The following ATP10D variants were observed in gnomAD, a reference collection of about 807,000 sequenced individuals.
ATP10D encodes the protein phospholipid-transporting ATPase VD.
A neutral mutation model predicts 144.8 loss-of-function variants in ATP10D; 89 were observed. The ratio of observed to expected loss-of-function variants is 0.61; its 90% CI spans 0.52 to 0.73. ATP10D has a LOEUF of 0.73. Ranked by LOEUF, ATP10D falls within the 30% of genes least tolerant of loss-of-function variation. The probability of loss-of-function intolerance (pLI) is 0.00; values close to 1 mark genes in which losing one functional copy is unlikely to be tolerated. For synonymous variants in ATP10D, 571 were observed against 615.1 expected (o/e 0.93, Z 1.06); for missense variants, 1,603 against 1,714.8 (o/e 0.93, Z 1.15).
intron 1 of ATP10D, among the ~76,000 whole-genome samples, chr4:47,509,711 G>A (rs1003622362): frequency 6.6e-6 from 1 of 152,178 alleles, no homozygotes; most frequent in African/African-American, 2.4e-5. Context: ...ATTTGGGGTT[G>A]TGGATCTATT....
chr4:47,517,982 G>A (rs1299045347), intron 3 of ATP10D, among the ~76,000 whole-genome samples: 2 of 152,092 alleles, frequency 1.3e-5, no homozygotes, highest in African/African-American at 4.8e-5. Flanking sequence ...GTTTGGTATT[G>A]TAGAAGAAAT....
intron 1 of ATP10D, among the ~76,000 whole-genome samples, chr4:47,505,869 AC>A (rs1715993270): frequency 6.6e-6 from 1 of 152,130 alleles, no homozygotes; most frequent in African/African-American, 2.4e-5. Context: ...AGACCAGTGA[AC>A]TTGTGTATTT....
At position 47,558,121 on chromosome 4, in the gene ATP10D, C is replaced by T; in HGVS notation, c.2282C>T (p.Pro761Leu). The T allele has an allele frequency of 1.2e-6, 2 of 1,614,186 alleles. No homozygotes were observed. The highest frequency in any genetic ancestry group is 1.7e-6 in the Non-Finnish European group (2 of 1,180,028). The change falls in exon 12 of 23, where the codon CCA becomes CTA. Residue 761 changes from proline (P) to leucine (L), a missense_variant. Transcript: ENST00000273859. ...ATGGTGGACTTTGCTGCTTTGGGAC[C>T]ATTAACATTTCAACTCCTACACATC... ...QVMVDFAALG[P>L]LTFQLLHILP...
chr4:47,572,872 G>A lies in ATP10D; in HGVS notation c.3241G>A (p.Ala1081Thr), dbSNP rs1016794326. ...IGVSGQEGMQ[A>T]VMASDFAVSQ... ...CATTCTCTCCCCATTGCATCTGCAG[G>A]CTGTGATGGCCAGTGACTTTGCCGT... The change falls in exon 18 of 23, where the codon GCT (alanine) becomes ACT (threonine). Residue 1081 changes from alanine (A) to threonine (T), a missense_variant and splice_region_variant. Physicochemically the swap from Ala to Thr is moderately conservative, Grantham distance 58. Coordinates refer to ENST00000273859, the MANE Select transcript of ATP10D (RefSeq NM_020453.4). 1 of 1,614,092 alleles carries A rather than the reference G, an allele frequency of 6.2e-7. No homozygotes were observed.
intron 1 of ATP10D, among the ~76,000 whole-genome samples, chr4:47,486,079 T>C (rs1714743463): frequency 6.6e-6 from 1 of 152,186 alleles, no homozygotes; most frequent in African/African-American, 2.4e-5. Flanking sequence ...TTCTCGGAAA[T>C]AGTTTTCAAA....
rs33995001 is a variant in ATP10D, at chr4:47,512,668, C to T, written c.128C>T (p.Thr43Ile). 667,196 of 1,613,712 alleles carry T rather than the reference C, an allele frequency of 0.41. 141,862 individuals are homozygous for T. The highest frequency in any genetic ancestry group is 0.45 in the Middle Eastern group (2,755 of 6,060). Residue 43 changes from threonine (T) to isoleucine (I), a missense_variant, in exon 2 of 23, where the codon ACC (threonine) becomes ATC (isoleucine). Transcript: ENST00000273859. ...GCCTGTGGGCGCAAGTCCTCTCAGACCCCTAAACTGTCAGGAAGGCACCGG... is the reference window on the plus strand; with the variant it reads ...GCCTGTGGGCGCAAGTCCTCTCAGATCCCTAAACTGTCAGGAAGGCACCGG... Reference protein sequence around the residue: ...LLACGRKSSQTPKLSGRHRIV... With the variant: ...LLACGRKSSQIPKLSGRHRIV...
At chr4:47,559,443 T>G (rs1719173468) in intron 13 of ATP10D, among the ~76,000 whole-genome samples, 1 of 152,200 alleles carries the variant, frequency 6.6e-6, no homozygotes, top group Non-Finnish European at 1.5e-5. Context: ...CTCTTAATAC[T>G]CTTTTCTTAT....
At chr4:47,503,018 A>G (rs1046952989) in intron 1 of ATP10D, among the ~76,000 whole-genome samples, 5 of 152,120 alleles carry the variant, frequency 3.3e-5, no homozygotes, top group African/African-American at 1.2e-4. Context: ...CCTGGCCATC[A>G]TGATGAAAAC....
At chr4:47,570,478 G>A (rs1719893896) in intron 16 of ATP10D, among the ~76,000 whole-genome samples, 3 of 152,220 alleles carry the variant, frequency 2.0e-5, no homozygotes, top group Admixed American at 2.0e-4. Flanking sequence ...ATAAGAAATT[G>A]GCTAGAGATA....
At position 47,515,465 on chromosome 4, in the gene ATP10D, T is replaced by C; in HGVS notation, c.291-11T>C. 1 of 1,604,008 alleles carries C rather than the reference T, an allele frequency of 6.2e-7. No individual in the cohort carries two copies. Among genetic ancestry groups the C allele is most frequent in the East Asian group, 2.2e-5 (1 of 44,762 alleles). ...CTTCTTAACACCTCCCTTTGTGTGT[T>C]TGGGTTGCAGAGCTGCCAATTTATA... On this transcript the variant is annotated splice_polypyrimidine_tract_variant and intron_variant, in intron 2 of 22. Coordinates refer to ENST00000273859, the MANE Select transcript of ATP10D (RefSeq NM_020453.4).
chr4:47,554,634 A>C (rs1718884835), intron 10 of ATP10D, 92 bp from the exon 11 acceptor site: 2 of 1,007,252 alleles, frequency 2.0e-6, no homozygotes, highest in Non-Finnish European at 2.9e-6. Context: ...TGATTCATTT[A>C]GATCCTGGCT....
At chr4:47,486,955 G>A (rs1158125546) in intron 1 of ATP10D, among the ~76,000 whole-genome samples, 2 of 152,178 alleles carry the variant, frequency 1.3e-5, no homozygotes, top group African/African-American at 4.8e-5. Context: ...ATAGGGCCGG[G>A]CGCAGTGGCT....
chr4:47,520,975 A>G (rs1301348624), intron 3 of ATP10D, among the ~76,000 whole-genome samples: 7 of 152,220 alleles, frequency 4.6e-5, no homozygotes, highest in African/African-American at 1.7e-4. Flanking sequence ...CAGACCTAAC[A>G]GCCAAATACT....
chr4:47,492,870 G>T (rs909221154), intron 1 of ATP10D, among the ~76,000 whole-genome samples: 2 of 152,046 alleles, frequency 1.3e-5, no homozygotes, highest in African/African-American at 4.8e-5. Context: ...GAAAATAACA[G>T]AATATAATTC....
rs146739165 is a variant in ATP10D at position 47,490,165 on chromosome 4, TATA to T, written c.-38+4653_-38+4655del. Among the ~76,000 whole-genome samples the T allele has an allele frequency of 6.1e-3, 924 of 152,340 alleles. 10 individuals carry two copies. Among genetic ancestry groups the T allele is most frequent in the African/African-American group, 0.02 (842 of 41,578 alleles). ...AACTTTCATTTCCCCTTAATTAGACTATAATAATATAGTTAGAAGGTTTTAGTT... is the reference window on the plus strand; with the variant it reads ...AACTTTCATTTCCCCTTAATTAGACTATAATATAGTTAGAAGGTTTTAGTT... On this transcript the variant is annotated intron_variant, in intron 1 of 22. Coordinates refer to ENST00000273859, the MANE Select transcript of ATP10D (RefSeq NM_020453.4).
intron 9 of ATP10D, among the ~76,000 whole-genome samples, chr4:47,537,150 T>G (rs1449397842): frequency 6.6e-6 from 1 of 152,084 alleles, no homozygotes; most frequent in African/African-American, 2.4e-5. Context: ...TCTTTAAAAG[T>G]GAAGTAAATT....
intron 1 of ATP10D, among the ~76,000 whole-genome samples, chr4:47,493,586 A>G (rs945010103): frequency 1.3e-5 from 2 of 152,186 alleles, no homozygotes; most frequent in African/African-American, 4.8e-5. Flanking sequence ...GACTTATGAT[A>G]TTTTCATTTA....
At chr4:47,512,096 T>C (rs1374730284) in intron 1 of ATP10D, among the ~76,000 whole-genome samples, 1 of 152,260 alleles carries the variant, frequency 6.6e-6, no homozygotes, top group Non-Finnish European at 1.5e-5. Flanking sequence ...TTTGATGTCC[T>C]ATGATTTATC....
intron 3 of ATP10D, 35 bp downstream of exon 3, chr4:47,515,705 A>G: frequency 6.8e-7 from 1 of 1,477,502 alleles, no homozygotes; most frequent in Non-Finnish European, 9.3e-7. Context: ...AGGACTATGT[A>G]TGTATCATTG....
Sources: gnomAD v4.1 joint callset for allele counts (sites outside exome capture counted in the v4.1 genomes callset) on GRCh38, gnomAD v4.1.1 for gene constraint, MANE v1.5 for transcripts, NCBI Gene and HGNC (gene_info 2026-07-23, HGNC 2026-07-21) for gene names.